ATR: variants seen among roughly 807,000 people sequenced by gnomAD.
ATR encodes ATR checkpoint kinase.
In ATR, 142 loss-of-function variants were observed where a neutral mutation model predicts 305.3. That is an observed-to-expected ratio of 0.47 (90% confidence interval 0.41 to 0.53). The LOEUF is 0.53. Ranked by LOEUF, ATR falls within the 20% of genes least tolerant of loss-of-function variation. The pLI is 0.00. For missense variants in ATR, 2,135 were observed against 3,133.1 expected (o/e 0.68, Z 7.60); for synonymous variants, 1,050 against 1,068.1 (o/e 0.98, Z 0.33).
At chr3:142,555,191 G>A in intron 10 of ATR, among the ~76,000 whole-genome samples, 1 of 151,700 alleles carries the variant, frequency 6.6e-6, no homozygotes, top group South Asian at 2.1e-4. Flanking sequence ...AGCCAAGATG[G>A]CGCCATTGTA....
At chr3:142,572,487 T>C (rs6781412) in intron 1 of ATR, among the ~76,000 whole-genome samples, 5,915 of 148,422 alleles carry the variant, frequency 0.04, 386 homozygotes, top group African/African-American at 0.14. Context: ...AAAGAACTGA[T>C]ACTGGTCGGG....
chr3:142,531,099 A>G (rs1227397284), intron 21 of ATR, among the ~76,000 whole-genome samples: 1 of 152,128 alleles, frequency 6.6e-6, no homozygotes, highest in African/African-American at 2.4e-5. Flanking sequence ...TCTGTCTCAA[A>G]GTTCTGTTGA....
rs886058058 is a variant in ATR at position 142,566,106 on chromosome 3, A to C, written c.292+15T>G. 2.5e-6 allele frequency: 4 copies of C among 1,614,060 alleles called. No homozygotes were observed. The highest frequency in any genetic ancestry group is 1.7e-5 in the Admixed American group (1 of 60,022). ...AGAACAGATGGCAAGTGAATGCATGAATAACAGCACTTACCAATACAACTG... is the reference window on the plus strand; with the variant it reads ...AGAACAGATGGCAAGTGAATGCATGCATAACAGCACTTACCAATACAACTG... On this transcript the variant is annotated intron_variant, in intron 3 of 46. Transcript: ENST00000350721.
chr3:142,556,683 TAA>T (rs1300570384), intron 8 of ATR, 108 bp from the exon 9 acceptor site: 6 of 1,066,006 alleles, frequency 5.6e-6, no homozygotes, highest in Non-Finnish European at 8.0e-6. Context: ...TATATATAAA[TAA>T]AAGTCAAGTA....
intron 22 of ATR, 46 bp downstream of exon 22, chr3:142,523,947 A>G (rs1193194917): frequency 1.3e-6 from 2 of 1,569,412 alleles, no homozygotes; most frequent in Admixed American, 3.4e-5. Context: ...TATAAACCTC[A>G]ATAGGACAGA....
chr3:142,498,856 G>T, intron 31 of ATR, 82 bp from the exon 32 acceptor site: 2 of 1,360,312 alleles, frequency 1.5e-6, no homozygotes, highest in Non-Finnish European at 1.0e-6. Flanking sequence ...AAAATGGTCA[G>T]CTGAAATATC....
In ATR at chr3:142,480,800, C is replaced by G. The variant is rs564620459; in HGVS notation, c.6221+4340G>C. ...CCTCAGCAATGGCGGGCACTCCTCC[C>G]CCAGCCTTGCTGCCGCCTTGCAGTT... On this transcript the variant is annotated intron_variant, in intron 36 of 46. Coordinates refer to ENST00000350721, the MANE Select transcript of ATR (RefSeq NM_001184.4). Among the ~76,000 whole-genome samples the G allele has an allele frequency of 2.6e-5, 4 of 152,344 alleles. No homozygotes were observed. The East Asian group carries it at 7.7e-4, about 29-fold the overall frequency.
chr3:142,486,983 A>C (rs1016003363), intron 35 of ATR, among the ~76,000 whole-genome samples: 4 of 136,766 alleles, frequency 2.9e-5, no homozygotes, highest in Non-Finnish European at 4.8e-5. Context: ...AAAAAAAAAC[A>C]ATTAGCCGGG....
intron 46 of ATR, chr3:142,451,873 A>T (rs2070798911): frequency 7.6e-7 from 1 of 1,320,140 alleles, no homozygotes; most frequent in Admixed American, 2.0e-5. Flanking sequence ...AGCGAGCAGA[A>T]GTTTTAACAG....
chr3:142,511,427 G>A (rs766016927), intron 27 of ATR, among the ~76,000 whole-genome samples: 2 of 151,192 alleles, frequency 1.3e-5, no homozygotes, highest in Non-Finnish European at 3.0e-5. Flanking sequence ...AGGCTGAGGT[G>A]GGTGGATCTC....
intron 36 of ATR, among the ~76,000 whole-genome samples, chr3:142,476,098 A>G (rs1033290379): frequency 6.6e-6 from 1 of 152,128 alleles, no homozygotes; most frequent in African/African-American, 2.4e-5. Flanking sequence ...CTTTAGTTTA[A>G]TTAGACCCCA....
chr3:142,576,272 A>G (rs371127001), intron 1 of ATR, among the ~76,000 whole-genome samples: 1 of 152,250 alleles, frequency 6.6e-6, no homozygotes, highest in East Asian at 1.9e-4. Flanking sequence ...TCAAGGGCGC[A>G]GTAAATCAGG....
At chr3:142,511,940 C>T (rs951065279) in intron 27 of ATR, among the ~76,000 whole-genome samples, 1 of 151,780 alleles carries the variant, frequency 6.6e-6, no homozygotes, top group African/African-American at 2.4e-5. Context: ...ATGGCAAAAC[C>T]CTGTCTCTAC....
chr3:142,484,876 C>T (rs1474765161), intron 36 of ATR, among the ~76,000 whole-genome samples: 1 of 152,160 alleles, frequency 6.6e-6, no homozygotes, highest in East Asian at 1.9e-4. Context: ...TTGATGATTG[C>T]TGTGTTGGTG....
rs2108462462 is a variant in ATR at position 142,553,332 on chromosome 3, T to C, written c.2700A>G (p.Ser900=). The C allele has an allele frequency of 1.2e-6, 2 of 1,614,050 alleles. No individual in the cohort carries two copies. The highest frequency in any genetic ancestry group is 2.2e-5 in the South Asian group (2 of 91,080). ...LHLLHCLLSK[S]ASVSGAAYTE... is the part of the protein sequence containing the mutation. ...TGTATGCTGCTCCAGAGACAGATGCTGACTTGGATAACAAACAATGCAATA... is the reference window on the plus strand; with the variant it reads ...TGTATGCTGCTCCAGAGACAGATGCCGACTTGGATAACAAACAATGCAATA... The change falls in exon 13 of 47, where the codon TCA becomes TCG. Residue 900 remains serine (S), a synonymous_variant. Transcript: ENST00000350721.
chr3:142,454,629 G>C (rs1237522084), intron 45 of ATR, among the ~76,000 whole-genome samples: 1 of 151,590 alleles, frequency 6.6e-6, no homozygotes, highest in Non-Finnish European at 1.5e-5. Flanking sequence ...TTTTAGTAGA[G>C]ACAGGGTTTC....
intron 46 of ATR, chr3:142,451,293 G>A: frequency 8.1e-7 from 1 of 1,232,652 alleles, no homozygotes; most frequent in Admixed American, 3.3e-5. Flanking sequence ...GGCCAAGAGT[G>A]TGTGGGCAAG....
At chr3:142,576,606 G>C (rs1371373238) in intron 1 of ATR, among the ~76,000 whole-genome samples, 1 of 152,106 alleles carries the variant, frequency 6.6e-6, no homozygotes, top group Non-Finnish European at 1.5e-5. Flanking sequence ...TTTAAAAAAA[G>C]AAAGCTTGTG....
chr3:142,538,738 G>C (rs2033949303), intron 18 of ATR, 113 bp from the exon 19 acceptor site: 1 of 1,359,920 alleles, frequency 7.4e-7, no homozygotes, highest in Non-Finnish European at 1.0e-6. Flanking sequence ...AGATTAAAAG[G>C]CAGCTTTAAA....
Sources: allele counts gnomAD v4.1 joint callset (sites outside exome capture counted in the v4.1 genomes callset), GRCh38; gene constraint gnomAD v4.1.1; transcripts MANE v1.5; gene names NCBI Gene and HGNC (gene_info 2026-07-23, HGNC 2026-07-21).